HOXB3: variants seen among roughly 807,000 people sequenced by gnomAD.
The protein encoded by HOXB3 is homeobox B3.
HOXB3 carries 17 observed loss-of-function variants against 29.2 expected under a neutral mutation model. The ratio of observed to expected loss-of-function variants is 0.58; its 90% CI spans 0.40 to 0.87. The LOEUF is 0.87. Ranked by LOEUF, HOXB3 falls within the 40% of genes least tolerant of loss-of-function variation. The pLI is 0.00. For synonymous variants in HOXB3, 317 were observed against 285.9 expected, an observed-to-expected ratio of 1.11 and a Z score of -1.10; for missense variants, 637 against 616.3, an observed-to-expected ratio of 1.03 and a Z score of -0.35.
intron 2 of HOXB3, among the ~76,000 whole-genome samples, chr17:48,557,874 G>A (rs2069049071): frequency 6.6e-6 from 1 of 152,190 alleles, no homozygotes; most frequent in Admixed American, 6.5e-5. Flanking sequence ...GGGTGCCTGA[G>A]CATGTGGCTG....
At chr17:48,574,040 G>A (rs772035415) in intron 1 of HOXB3, 26 bp from the exon 2 acceptor site, 12 of 598,012 alleles carry the variant, frequency 2.0e-5, no homozygotes, top group Non-Finnish European at 3.5e-5. Flanking sequence ...AAAGGAGAGA[G>A]GATACGTATT....
chr17:48,551,165 GCCA>G lies in HOXB3; in HGVS notation c.462_464del (p.Gly164del). 5.4e-6 allele frequency: 7 copies of G among 1,288,340 alleles called. No individual in the cohort carries two copies. The highest frequency in any genetic ancestry group is 6.9e-6 in the Non-Finnish European group (7 of 1,016,664). 79.8% of individuals were successfully genotyped at this position (1,288,340 alleles called of 1,614,324 possible). A position where few individuals can be genotyped will look rare whatever the true frequency, so the allele number is the denominator to read the frequency against. ...CTCCGCCGCCGCCGCCACCGCCGCC[GCCA>G]CCACAGCCCTCTGCTGGATCCGAGG... is the stretch of plus-strand genomic sequence containing the variant. On this transcript the variant is annotated inframe_deletion, in exon 5 of 5. Transcript: ENST00000498678.
intron 2 of HOXB3, among the ~76,000 whole-genome samples, chr17:48,567,816 C>T (rs1025603397): frequency 7.2e-5 from 11 of 152,160 alleles, no homozygotes; most frequent in Non-Finnish European, 8.8e-5. Flanking sequence ...GGAAACTTTT[C>T]TTTGTTTCAG....
At chr17:48,558,037 C>T (rs1464409612) in intron 2 of HOXB3, among the ~76,000 whole-genome samples, 1 of 151,498 alleles carries the variant, frequency 6.6e-6, no homozygotes, top group African/African-American at 2.4e-5. Context: ...TTTTCTATCA[C>T]TCCCCCAAAT....
chr17:48,557,974 C>T (rs1264064676), intron 2 of HOXB3, among the ~76,000 whole-genome samples: 1 of 151,914 alleles, frequency 6.6e-6, no homozygotes, highest in Admixed American at 6.6e-5. Context: ...GTCAGGGACT[C>T]AGGCCAGGGA....
chr17:48,577,636 G>A (rs2069809213), intron 1 of HOXB3, among the ~76,000 whole-genome samples: 1 of 152,202 alleles, frequency 6.6e-6, no homozygotes, highest in Non-Finnish European at 1.5e-5. Context: ...TGGTGAAGAG[G>A]ATGGGGAACC....
chr17:48,553,849 C>T (rs188561982), intron 3 of HOXB3: 188 of 152,346 alleles, frequency 1.2e-3, no homozygotes, highest in African/African-American at 4.4e-3. Flanking sequence ...TTCACCATCA[C>T]TTTTCATAAA....
rs746411415 is a variant in HOXB3, at chr17:48,550,530, C to G, written c.1100G>C (p.Gly367Ala). The G allele has an allele frequency of 6.4e-7, 1 of 1,558,142 alleles. No homozygotes were observed. Among genetic ancestry groups the G allele is most frequent in the Admixed American group, 2.0e-5 (1 of 49,390 alleles). Residue 367 changes from glycine to alanine, a missense_variant, in exon 5 of 5, where the codon GGC becomes GCC. Transcript: ENST00000498678. The stretch of plus-strand genomic sequence containing the variant: ...GTGGTTGAGGCCATAGAGGGAGGGG[C>G]CGGCAGGGGGCGGCAGCGGATCCGC... ...GYADPLPPPA[G>A]PSLYGLNHLS...
Position 48,578,072 on chromosome 17 carries a change from G to A in HOXB3, c.-424-4058C>T. ...AGGGGACAGACCGGGCGGTGGCGGGGGCGGCGGGGGTGGTGGCGGAGGCGG... is the reference window on the plus strand; with the variant it reads ...AGGGGACAGACCGGGCGGTGGCGGGAGCGGCGGGGGTGGTGGCGGAGGCGG... On this transcript the variant is annotated intron_variant, in intron 1 of 4. Transcript: ENST00000498678. 9.2e-7 allele frequency: 1 copy of A among 1,088,648 alleles called. No homozygotes were observed. The highest frequency in any genetic ancestry group is 1.7e-5 in the African/African-American group (1 of 60,494). The allele number at this position is 1,088,648 out of a possible 1,614,324, so 67.4% of individuals were successfully genotyped here.
Position 48,550,306 on chromosome 17 carries a change from TC to T in HOXB3, c.*27del, listed in dbSNP as rs768944960. On this transcript the variant is annotated 3_prime_UTR_variant, in exon 5 of 5. Coordinates refer to ENST00000498678, the MANE Select transcript of HOXB3 (RefSeq NM_001384749.1). The stretch of plus-strand genomic sequence containing the variant: ...TCCACAGTCTCTCTCTTCCTCCCCA[TC>T]CCCTAATCCTCGTTCGCCCTTTCCC... The T allele has an allele frequency of 1.9e-6, 3 of 1,613,128 alleles. No individual in the cohort carries two copies. In the South Asian group the frequency reaches 3.3e-5, roughly 18 times the overall value.
intron 1 of HOXB3, among the ~76,000 whole-genome samples, chr17:48,577,597 C>T (rs1567963691): frequency 6.6e-6 from 1 of 152,246 alleles, no homozygotes; most frequent in Non-Finnish European, 1.5e-5. Context: ...AAGACTGTAT[C>T]TCCCTGGCGA....
intron 2 of HOXB3, among the ~76,000 whole-genome samples, chr17:48,565,881 C>T (rs959235293): frequency 2.0e-5 from 3 of 152,192 alleles, no homozygotes; most frequent in Non-Finnish European, 4.4e-5. Context: ...TGGGCTCAGC[C>T]TTGACTTCCC....
At chr17:48,552,965 G>T in intron 3 of HOXB3, 1 of 155,512 alleles carries the variant, frequency 6.4e-6, no homozygotes, top group Non-Finnish European at 1.4e-5. Context: ...ATGGCTCAAG[G>T]GAGGGGACAC....
At chr17:48,578,037 C>T in intron 1 of HOXB3, 1 of 1,191,522 alleles carries the variant, frequency 8.4e-7, no homozygotes. Context: ...GGTGGCGGCG[C>T]AGGAGCCCGA....
At chr17:48,578,299 C>A (rs1187086819) in intron 1 of HOXB3, 2 of 1,608,380 alleles carry the variant, frequency 1.2e-6, no homozygotes, top group South Asian at 2.2e-5. Flanking sequence ...TTGAGTTGAT[C>A]AAAAAAGAAC....
intron 1 of HOXB3, among the ~76,000 whole-genome samples, chr17:48,577,246 G>A (rs2069796054): frequency 6.6e-6 from 1 of 152,174 alleles, no homozygotes; most frequent in Non-Finnish European, 1.5e-5. Flanking sequence ...TTGGGTGTGT[G>A]GTGGGGAAGG....
chr17:48,552,467 T>C lies in HOXB3; in HGVS notation c.8A>G (p.Lys3Arg). ...CGCGGCGTTGTCGTAGTAGGTGGCT[T>C]TCTGCATCGCTGGGTGAGGCCTGGG... MQKATYYDNAAAA... is the reference protein window; with the variant it reads MQRATYYDNAAAA... The change falls in exon 4 of 5, where the codon AAA (lysine) becomes AGA (arginine). Residue 3 changes from lysine (K) to arginine (R), a missense_variant. By Grantham distance (26) the Lys-to-Arg change is conservative. Coordinates refer to ENST00000498678, the MANE Select transcript of HOXB3 (RefSeq NM_001384749.1). 1 of 1,565,440 alleles carries C rather than the reference T, an allele frequency of 6.4e-7. No homozygotes were observed.
intron 2 of HOXB3, among the ~76,000 whole-genome samples, chr17:48,558,405 C>T (rs1480300213): frequency 6.6e-6 from 1 of 152,082 alleles, no homozygotes; most frequent in African/African-American, 2.4e-5. Context: ...GAAAATGAAC[C>T]TGGAGAAAAT....
chr17:48,572,393 G>A (rs2069612740), intron 2 of HOXB3, among the ~76,000 whole-genome samples: 1 of 152,206 alleles, frequency 6.6e-6, no homozygotes, highest in African/African-American at 2.4e-5. Context: ...TCAGCCCTCA[G>A]GGAGATGACA....
Sources: gnomAD v4.1 joint callset for allele counts (sites outside exome capture counted in the v4.1 genomes callset) on GRCh38, gnomAD v4.1.1 for gene constraint, MANE v1.5 for transcripts, NCBI Gene and HGNC (gene_info 2026-07-23, HGNC 2026-07-21) for gene names.